ERAP1: variants seen among roughly 807,000 people sequenced by gnomAD.
ERAP1 encodes the protein endoplasmic reticulum aminopeptidase 1.
In ERAP1, 86 loss-of-function variants were observed where a neutral mutation model predicts 103.7. The observed-to-expected ratio is 0.83, with a 90% CI of 0.70 to 0.99. The LOEUF (loss-of-function observed/expected upper bound fraction) is 0.99. Among genes scored for constraint, ERAP1 ranks in the 50% least tolerant of loss-of-function variants. The pLI is 0.00. For synonymous variants in ERAP1, 398 were observed against 402.4 expected (o/e 0.99, Z 0.13); for missense variants, 1,009 against 1,128.4 (o/e 0.89, Z 1.52).
At chr5:96,762,209 G>A (rs1401794862) in exon 20 of ERAP1, 20 of 960,240 alleles carry the variant, frequency 2.1e-5, no homozygotes, top group Non-Finnish European at 3.0e-5. Context: ...TTATAGTTAA[G>A]TGATGGCATT....
rs139473149 is a variant in ERAP1 at position 96,803,373 on chromosome 5, A to G, written c.524+30T>C. ...TGAATTTAGCGTGGGCAGCACTTGCAGTTTAAAAGAAAAAGAGAAAAAAAA... is the reference window on the plus strand; with the variant it reads ...TGAATTTAGCGTGGGCAGCACTTGCGGTTTAAAAGAAAAAGAGAAAAAAAA... On this transcript the variant is annotated intron_variant, in intron 2 of 18. Coordinates refer to ENST00000443439, the MANE Select transcript of ERAP1 (RefSeq NM_001040458.3). 1.4e-5 allele frequency: 22 copies of G among 1,596,096 alleles called. No homozygotes were observed. In the African/African-American group the frequency reaches 2.0e-4, roughly 15 times the overall value.
chr5:96,870,938 G>T, the ERAP1 span, among the ~76,000 whole-genome samples: 4 of 152,148 alleles, frequency 2.6e-5, no homozygotes, highest in African/African-American at 9.7e-5. Context: ...CAAGCACCAG[G>T]CTTTGTTCCC....
chr5:96,794,248 G>A (rs193212636), intron 5 of ERAP1, among the ~76,000 whole-genome samples: 1 of 137,402 alleles, frequency 7.3e-6, no homozygotes, highest in Admixed American at 8.2e-5. Context: ...ATTTGCAGTG[G>A]TATAATTACA....
chr5:96,914,148 T>TCTCACACACA, the ERAP1 span, among the ~76,000 whole-genome samples: 375 of 148,074 alleles, frequency 2.5e-3, 5 homozygotes, highest in Admixed American at 0.022. Context: ...TCTCTCTCTC[T>TCTCACACACA]CACACACACA....
At chr5:96,921,043 A>T in the ERAP1 span, among the ~76,000 whole-genome samples, 69 of 152,270 alleles carry the variant, frequency 4.5e-4, no homozygotes, top group African/African-American at 1.6e-3. Flanking sequence ...ATGTTTCTGG[A>T]TCCTTTAGTT....
the ERAP1 span, among the ~76,000 whole-genome samples, chr5:96,834,464 G>C: frequency 6.6e-6 from 1 of 152,174 alleles, no homozygotes; most frequent in Non-Finnish European, 1.5e-5. Flanking sequence ...TCAACACAGT[G>C]ATCAGATCAT....
the ERAP1 span, among the ~76,000 whole-genome samples, chr5:96,858,462 G>T: frequency 6.6e-6 from 1 of 152,220 alleles, no homozygotes; most frequent in African/African-American, 2.4e-5. Context: ...CTCCCAAAGT[G>T]CTGGAATTAC....
At chr5:96,862,437 G>A in the ERAP1 span, among the ~76,000 whole-genome samples, 3 of 152,138 alleles carry the variant, frequency 2.0e-5, no homozygotes, top group East Asian at 5.8e-4. Flanking sequence ...GTGAAATTGC[G>A]GCTGCCAACC....
the ERAP1 span, among the ~76,000 whole-genome samples, chr5:96,880,685 C>T: frequency 2.8e-5 from 4 of 143,698 alleles, no homozygotes; most frequent in African/African-American, 8.0e-5. Flanking sequence ...TGACTCATAT[C>T]GAATAGTCAG....
chr5:96,770,539 C>T (rs371786334), downstream of ERAP1: 1 of 1,611,668 alleles, frequency 6.2e-7, no homozygotes, highest in African/African-American at 1.3e-5. Flanking sequence ...AGGATAAGTG[C>T]AAGAAGGCTG....
the ERAP1 span, among the ~76,000 whole-genome samples, chr5:96,825,346 C>T: frequency 6.6e-6 from 1 of 152,184 alleles, no homozygotes; most frequent in East Asian, 1.9e-4. Flanking sequence ...TCTGAGAGCA[C>T]ACTTTATATG....
chr5:96,825,459 G>A, the ERAP1 span, among the ~76,000 whole-genome samples: 1 of 152,224 alleles, frequency 6.6e-6, no homozygotes, highest in Non-Finnish European at 1.5e-5. Context: ...GTATTTTGCT[G>A]CTGTCAGATG....
At chr5:96,810,505 CTCAGAG>C (rs1163237467), upstream of ERAP1, among the ~76,000 whole-genome samples, 5 of 152,172 alleles carry the variant, frequency 3.3e-5, no homozygotes, top group South Asian at 2.1e-4. Flanking sequence ...CGGCAACTTG[CTCAGAG>C]TCAAAGAGAA....
the ERAP1 span, chr5:96,913,268 A>C: frequency 6.7e-7 from 1 of 1,488,254 alleles, no homozygotes; most frequent in Non-Finnish European, 9.3e-7. Context: ...GTTAATGTCC[A>C]TGTACATAAT....
At position 96,793,939 on chromosome 5, in the gene ERAP1, T is replaced by G. The variant is rs1305876620; in HGVS notation, c.938A>C (p.Asp313Ala). 6.2e-7 allele frequency: 1 copy of G among 1,614,084 alleles called. No individual in the cohort carries two copies. ...GTTTTCCATAGCACCAGACTGAAAGTCGGGAATAGCAGCAAGATCTTGGGA... is the reference window on the plus strand; with the variant it reads ...GTTTTCCATAGCACCAGACTGAAAGGCGGGAATAGCAGCAAGATCTTGGGA... Reference protein sequence around the residue: ...LPKQDLAAIPDFQSGAMENWG... With the variant: ...LPKQDLAAIPAFQSGAMENWG... The change falls in exon 6 of 19, where the codon GAC becomes GCC. Residue 313 changes from aspartate (D) to alanine (A), a missense_variant. By Grantham distance (126) the Asp-to-Ala change is moderately radical. This residue lies in a region of ERAP1 where 392 missense variants were observed against 455.2 expected (regional missense o/e 0.86). Coordinates refer to ENST00000443439, the MANE Select transcript of ERAP1 (RefSeq NM_001040458.3).
the ERAP1 span, among the ~76,000 whole-genome samples, chr5:96,875,202 G>A: frequency 5.3e-4 from 80 of 152,160 alleles, 1 homozygote; most frequent in South Asian, 0.01. Flanking sequence ...TTTAATAAGC[G>A]GTGGGATTTT....
At chr5:96,899,174 G>A in the ERAP1 span, among the ~76,000 whole-genome samples, 3 of 152,132 alleles carry the variant, frequency 2.0e-5, no homozygotes, top group African/African-American at 4.8e-5. Context: ...CTGATACTAA[G>A]GGACAGATTT....
chr5:96,797,414 C>T (rs1777462683), intron 3 of ERAP1, 105 bp from the exon 4 acceptor site: 1 of 1,339,496 alleles, frequency 7.5e-7, no homozygotes, highest in Non-Finnish European at 1.1e-6. Flanking sequence ...GTATCAATCC[C>T]AGCACTTGGG....
At chr5:96,789,834 A>C (rs1159183337) in intron 10 of ERAP1, among the ~76,000 whole-genome samples, 1 of 152,240 alleles carries the variant, frequency 6.6e-6, no homozygotes, top group Non-Finnish European at 1.5e-5. Context: ...TAGGGATAGT[A>C]ATAGTACCCA....
Sources: gnomAD v4.1 joint callset for allele counts (sites outside exome capture counted in the v4.1 genomes callset) on GRCh38, gnomAD v4.1.1 for gene constraint, gnomAD v4.1.1 regional missense constraint, MANE v1.5 for transcripts, NCBI Gene and HGNC (gene_info 2026-07-23, HGNC 2026-07-21) for gene names.